Variants in ASIP observed in about 807,000 individuals in gnomAD.
ASIP encodes the protein agouti-signaling protein.
ASIP carries 11 observed loss-of-function variants against 10.3 expected under a neutral mutation model. The ratio of observed to expected loss-of-function variants is 1.07; its 90% CI spans 0.68 to 1.78. The LOEUF is 1.78. Among genes scored for constraint, ASIP ranks in the 40% most tolerant of loss-of-function variants. The pLI, the probability that ASIP is intolerant of heterozygous loss-of-function variation, is 0.00. For missense variants in ASIP, 180 were observed against 169.2 expected (o/e 1.06, Z -0.35); for synonymous variants, 70 against 70.8 (o/e 0.99, Z 0.06).
At chr20:34,202,340 C>T (rs1031005888) in intron 1 of ASIP, among the ~76,000 whole-genome samples, 4 of 152,202 alleles carry the variant, frequency 2.6e-5, no homozygotes, top group Non-Finnish European at 5.9e-5. Context: ...CCATACCACC[C>T]TGAAATATTT....
chr20:34,213,607 A>C (rs1228287493), intron 1 of ASIP: 20 of 1,564,980 alleles, frequency 1.3e-5, no homozygotes, highest in Middle Eastern at 3.4e-4. Context: ...TTGTACCTTG[A>C]ATTTGGCCGT....
intron 1 of ASIP, among the ~76,000 whole-genome samples, chr20:34,248,004 G>A (rs554418312): frequency 6.6e-6 from 1 of 152,128 alleles, no homozygotes; most frequent in African/African-American, 2.4e-5. Flanking sequence ...TCAAGAGTTC[G>A]AGACCAGCCT....
At chr20:34,223,712 G>A (rs1240935011) in intron 1 of ASIP, among the ~76,000 whole-genome samples, 1 of 144,612 alleles carries the variant, frequency 6.9e-6, no homozygotes, top group Non-Finnish European at 1.5e-5. Context: ...CCCCGTCTGG[G>A]AGGTGTGCCC....
chr20:34,192,280 C>A (rs2122525662), upstream of ASIP, among the ~76,000 whole-genome samples: 1 of 152,296 alleles, frequency 6.6e-6, no homozygotes, highest in Admixed American at 6.5e-5. Flanking sequence ...ATCCACCCAC[C>A]TTGGCCTCCC....
At chr20:34,191,430 T>G (rs1278018281), upstream of ASIP, among the ~76,000 whole-genome samples, 12 of 152,232 alleles carry the variant, frequency 7.9e-5, no homozygotes, top group Non-Finnish European at 1.8e-4. Context: ...CTGAGCACAC[T>G]GTCATCCCCA....
chr20:34,253,092 C>T (rs748627356), intron 1 of ASIP, among the ~76,000 whole-genome samples: 75 of 152,018 alleles, frequency 4.9e-4, no homozygotes, highest in South Asian at 6.2e-4. Flanking sequence ...CAGTAACAAC[C>T]TGATCTCTCT....
At chr20:34,202,813 T>C (rs943121124) in intron 1 of ASIP, among the ~76,000 whole-genome samples, 3 of 143,956 alleles carry the variant, frequency 2.1e-5, no homozygotes, top group African/African-American at 7.8e-5. Context: ...TTTTTTTTTT[T>C]TTTTTTTTTT....
chr20:34,248,963 CAAAAAAA>C (rs60237416), intron 1 of ASIP, among the ~76,000 whole-genome samples: 3 of 129,336 alleles, frequency 2.3e-5, no homozygotes, highest in African/African-American at 5.7e-5. Flanking sequence ...ACCAAAAATA[CAAAAAAA>C]AAAAAAAAAT....
At chr20:34,225,894 T>C (rs539808373) in intron 1 of ASIP, among the ~76,000 whole-genome samples, 1 of 150,634 alleles carries the variant, frequency 6.6e-6, no homozygotes, top group South Asian at 2.1e-4. Context: ...TGCACCTACT[T>C]TTTTTTTTTC....
chr20:34,220,385 C>A (rs1454649117), intron 1 of ASIP, among the ~76,000 whole-genome samples: 1 of 152,062 alleles, frequency 6.6e-6, no homozygotes, highest in Non-Finnish European at 1.5e-5. Flanking sequence ...TCACTTGAAC[C>A]CAGGAGTTCA....
chr20:34,210,337 C>G (rs1568747414), intron 1 of ASIP, among the ~76,000 whole-genome samples: 1 of 152,230 alleles, frequency 6.6e-6, no homozygotes, highest in Non-Finnish European at 1.5e-5. Flanking sequence ...CTCCTGGAGT[C>G]TCCAAGCTTC....
intron 1 of ASIP, among the ~76,000 whole-genome samples, chr20:34,221,654 G>C (rs1030704772): frequency 2.6e-5 from 4 of 152,210 alleles, no homozygotes; most frequent in Non-Finnish European, 5.9e-5. Flanking sequence ...ATGATACCAG[G>C]AGTCCTTTTA....
chr20:34,201,009 C>CT (rs2034891591), intron 1 of ASIP, among the ~76,000 whole-genome samples: 1 of 59,998 alleles, frequency 1.7e-5, no homozygotes. Context: ...TCCTTCCTTC[C>CT]TTCCTTCCTT....
intron 1 of ASIP, among the ~76,000 whole-genome samples, chr20:34,247,300 CTTTTT>C (rs201908221): frequency 1.7e-5 from 2 of 120,672 alleles, no homozygotes; most frequent in Non-Finnish European, 3.5e-5. Flanking sequence ...TTATATGATG[CTTTTT>C]TTTTTTTTTT....
chr20:34,223,686 C>T (rs1315603893), intron 1 of ASIP, among the ~76,000 whole-genome samples: 1 of 146,796 alleles, frequency 6.8e-6, no homozygotes, highest in African/African-American at 2.5e-5. Context: ...TGAGGAGCCC[C>T]TCTGCCCGGC....
At chr20:34,221,358 A>T (rs554641732) in intron 1 of ASIP, among the ~76,000 whole-genome samples, 117 of 152,158 alleles carry the variant, frequency 7.7e-4, no homozygotes, top group Non-Finnish European at 1.4e-3. Context: ...AGCCTGGGCG[A>T]CAGAGCGAGA....
At chr20:34,244,688 T>C (rs2035340290) in intron 1 of ASIP, among the ~76,000 whole-genome samples, 2 of 152,226 alleles carry the variant, frequency 1.3e-5, no homozygotes, top group South Asian at 4.1e-4. Flanking sequence ...TCTTCTAATG[T>C]CTTCTAATGT....
chr20:34,262,067 C>T (rs367858219), intron 2 of ASIP, among the ~76,000 whole-genome samples: 1 of 151,486 alleles, frequency 6.6e-6, no homozygotes, highest in Non-Finnish European at 1.5e-5. Context: ...GAGCCGAGAT[C>T]GCACCACTGT....
At chr20:34,253,958 T>A (rs1407729604) in intron 1 of ASIP, among the ~76,000 whole-genome samples, 1 of 152,166 alleles carries the variant, frequency 6.6e-6, no homozygotes, top group African/African-American at 2.4e-5. Flanking sequence ...ATATCACACA[T>A]CAAATAACAG....
Sources: gnomAD v4.1 joint callset for allele counts (sites outside exome capture counted in the v4.1 genomes callset) on GRCh38, gnomAD v4.1.1 for gene constraint, MANE v1.5 for transcripts, NCBI Gene and HGNC (gene_info 2026-07-23, HGNC 2026-07-21) for gene names.